The following GATA4 variants were observed in gnomAD, a reference collection of about 807,000 sequenced individuals.
The protein encoded by GATA4 is transcription factor GATA-4.
A neutral mutation model predicts 37.9 loss-of-function variants in GATA4; 7 were observed. That is an observed-to-expected ratio of 0.18 (90% confidence interval 0.11 to 0.35). The LOEUF is 0.35. Among genes scored for constraint, GATA4 ranks in the 10% least tolerant of loss-of-function variants. The pLI is 1.00. For missense variants in GATA4, 647 were observed against 653.0 expected (o/e 0.99, Z 0.10); for synonymous variants, 372 against 292.6 (o/e 1.27, Z -2.77).
In GATA4 at chr8:11,758,475, A is replaced by ATCTTCCC. The variant is rs1481467549; in HGVS notation, c.*10_*16dup. ...GTCACGGGGACATAATCACTGCGTA[A>ATCTTCCC]TCTTCCCTCTTCCCTCCTCAAATTC... On this transcript the variant is annotated 3_prime_UTR_variant, in exon 7 of 7. Coordinates refer to ENST00000532059, the MANE Select transcript of GATA4 (RefSeq NM_001308093.3). 2.5e-6 allele frequency: 4 copies of ATCTTCCC among 1,614,066 alleles called. No individual in the cohort carries two copies. Among genetic ancestry groups the ATCTTCCC allele is most frequent in the Non-Finnish European group, 3.4e-6 (4 of 1,179,962 alleles).
At chr8:11,682,978 T>A in intron 1 of GATA4, 1 of 787,660 alleles carries the variant, frequency 1.3e-6, no homozygotes, top group Non-Finnish European at 1.5e-6. Context: ...GACAAGATAC[T>A]GGGTTCAGAG....
At chr8:11,722,764 G>A (rs1309909987) in intron 2 of GATA4, among the ~76,000 whole-genome samples, 2 of 152,202 alleles carry the variant, frequency 1.3e-5, no homozygotes, top group African/African-American at 4.8e-5. Context: ...GATGGCAGCA[G>A]CCCTGGATGC....
chr8:11,737,624 G>A (rs1801526152), intron 2 of GATA4, among the ~76,000 whole-genome samples: 2 of 152,180 alleles, frequency 1.3e-5, no homozygotes, highest in Non-Finnish European at 2.9e-5. Flanking sequence ...GGGCTCGCTG[G>A]GACAGGAGCT....
rs980091937 is a variant in GATA4 at position 11,758,702 on chromosome 8, C to T, written c.*227C>T. 1.4e-5 allele frequency: 8 copies of T among 587,692 alleles called. No homozygotes were observed. Among genetic ancestry groups the T allele is most frequent in the African/African-American group, 1.3e-4 (7 of 53,852 alleles). The allele number at this position is 587,692 out of a possible 1,614,324, so 36.4% of individuals were successfully genotyped here. A position where few individuals can be genotyped will look rare whatever the true frequency, so the allele number is the denominator to read the frequency against. ...ACTGGAGGGAGCCCACCCTTCAGCA[C>T]GAGCACACTGCATCTCTCCTGTGAG... On this transcript the variant is annotated 3_prime_UTR_variant, in exon 7 of 7. Transcript: ENST00000532059.
intron 1 of GATA4, among the ~76,000 whole-genome samples, chr8:11,683,740 A>C (rs1254394991): frequency 6.6e-6 from 1 of 152,162 alleles, no homozygotes; most frequent in Non-Finnish European, 1.5e-5. Flanking sequence ...CAAGACACAC[A>C]AATCGGAGAT....
In GATA4 at chr8:11,744,735, T is replaced by G. The variant is rs1225691139; in HGVS notation, c.617-4181T>G. Among the ~76,000 whole-genome samples, 4 of 152,340 alleles carry G rather than the reference T, an allele frequency of 2.6e-5. No individual in the cohort carries two copies. In the South Asian group the frequency reaches 8.3e-4, roughly 32 times the overall value. On this transcript the variant is annotated intron_variant, in intron 2 of 6. Coordinates refer to ENST00000532059, the MANE Select transcript of GATA4 (RefSeq NM_001308093.3). ...ATTTTGTGGTTGGAAATATGGAAACTTCTGCCGATTTGGAGGTGTAGGAGG... is the reference window on the plus strand; with the variant it reads ...ATTTTGTGGTTGGAAATATGGAAACGTCTGCCGATTTGGAGGTGTAGGAGG...
chr8:11,708,088 A>G lies in GATA4; in HGVS notation c.-225A>G. The G allele has an allele frequency of 4.8e-6, 3 of 629,454 alleles. No homozygotes were observed. The highest frequency in any genetic ancestry group is 8.5e-6 in the Non-Finnish European group (3 of 351,890). 39.0% of individuals were successfully genotyped at this position (629,454 alleles called of 1,614,324 possible). A position where few individuals can be genotyped will look rare whatever the true frequency, so the allele number is the denominator to read the frequency against. ...AGCTTCCGGAACCACCAAAAATTCAAATTGGGATTTTCCGGAGTAAACAAG... is the reference window on the plus strand; with the variant it reads ...AGCTTCCGGAACCACCAAAAATTCAGATTGGGATTTTCCGGAGTAAACAAG... On this transcript the variant is annotated 5_prime_UTR_variant, in exon 2 of 7. Coordinates refer to ENST00000532059, the MANE Select transcript of GATA4 (RefSeq NM_001308093.3). The surrounding 1 kb of genome is among the most constrained non-coding windows in gnomAD (Gnocchi z 6.7).
At chr8:11,715,554 A>C (rs1399625078) in intron 2 of GATA4, among the ~76,000 whole-genome samples, 3 of 152,150 alleles carry the variant, frequency 2.0e-5, no homozygotes, top group African/African-American at 7.2e-5. Context: ...CAGCCTGGCC[A>C]ATGTGGTGAA....
upstream of GATA4, chr8:11,692,481 T>C (rs1327319239): frequency 3.3e-5 from 32 of 981,062 alleles, no homozygotes; most frequent in Non-Finnish European, 3.8e-5. Flanking sequence ...GTGTCCTGAA[T>C]TTTCTCCTCC....
upstream of GATA4, chr8:11,692,181 A>G (rs1799335522): frequency 8.8e-6 from 3 of 341,558 alleles, no homozygotes; most frequent in Non-Finnish European, 1.2e-5. Flanking sequence ...CTACTTCCCC[A>G]AAGGCAAGAG....
intron 2 of GATA4, among the ~76,000 whole-genome samples, chr8:11,741,526 C>A (rs938846763): frequency 6.6e-6 from 1 of 152,098 alleles, no homozygotes; most frequent in African/African-American, 2.4e-5. Context: ...ATGCAACAGT[C>A]CACAAGTTCG....
intron 4 of GATA4, among the ~76,000 whole-genome samples, chr8:11,750,643 A>G (rs1311886729): frequency 6.6e-6 from 1 of 152,026 alleles, no homozygotes; most frequent in East Asian, 1.9e-4. Flanking sequence ...GAAATAAACT[A>G]AAAGTAAGGC....
At chr8:11,678,378 AG>A (rs571272947) in intron 1 of GATA4, among the ~76,000 whole-genome samples, 1 of 152,278 alleles carries the variant, frequency 6.6e-6, no homozygotes, top group Middle Eastern at 3.4e-3. Context: ...ACCGGCTTCC[AG>A]GGGGTGATTT....
intron 2 of GATA4, among the ~76,000 whole-genome samples, chr8:11,742,786 G>A (rs765815317): frequency 4.6e-5 from 7 of 152,248 alleles, no homozygotes; most frequent in Admixed American, 4.6e-4. Flanking sequence ...ACACCCAGGC[G>A]CCAGCCGCAG....
intron 2 of GATA4, among the ~76,000 whole-genome samples, chr8:11,743,448 G>A (rs1385778323): frequency 6.6e-6 from 1 of 152,262 alleles, no homozygotes; most frequent in African/African-American, 2.4e-5. Context: ...GCAGGTGGAA[G>A]TCTGAGGGGA....
chr8:11,684,301 C>G (rs1328657324), intron 1 of GATA4, among the ~76,000 whole-genome samples: 1 of 152,342 alleles, frequency 6.6e-6, no homozygotes, highest in East Asian at 1.9e-4. Context: ...AGTTCCCACA[C>G]AAACACCTAC....
intron 2 of GATA4, among the ~76,000 whole-genome samples, chr8:11,724,970 G>A (rs1283402767): frequency 6.6e-6 from 1 of 152,250 alleles, no homozygotes; most frequent in Non-Finnish European, 1.5e-5. Context: ...CCTTCCATGT[G>A]CCCCTCATGC....
At chr8:11,685,011 T>G (rs1416201998) in intron 1 of GATA4, among the ~76,000 whole-genome samples, 2 of 152,144 alleles carry the variant, frequency 1.3e-5, no homozygotes, top group African/African-American at 2.4e-5. Flanking sequence ...GTAATAGAAA[T>G]TTACCCTCAG....
intron 2 of GATA4, among the ~76,000 whole-genome samples, chr8:11,746,354 T>C (rs1352579329): frequency 4.0e-5 from 6 of 151,622 alleles, no homozygotes; most frequent in Admixed American, 3.3e-4. Context: ...TGGGTGAGAG[T>C]GAACCCGGTC....
Sources: gnomAD v4.1 joint callset for allele counts (sites outside exome capture counted in the v4.1 genomes callset) on GRCh38, gnomAD v4.1.1 for gene constraint, Gnocchi (gnomAD v3.1) non-coding constraint, MANE v1.5 for transcripts, NCBI Gene and HGNC (gene_info 2026-07-23, HGNC 2026-07-21) for gene names.